SPEF2: variants seen among roughly 807,000 people sequenced by gnomAD.
SPEF2 encodes the protein sperm flagellar and cilia associated 2, also known as sperm flagella and cilia-associated protein 2.
A neutral mutation model predicts 224.6 loss-of-function variants in SPEF2; 187 were observed. That is an observed-to-expected ratio of 0.83 (90% CI 0.74 to 0.94). SPEF2 has a LOEUF of 0.94. Among genes scored for constraint, SPEF2 ranks in the 40% least tolerant of loss-of-function variants. The probability of loss-of-function intolerance (pLI) is 0.00; values close to 1 mark genes in which losing one functional copy is unlikely to be tolerated. For synonymous variants in SPEF2, 715 were observed against 707.3 expected, an observed-to-expected ratio of 1.01 and a Z score of -0.17; for missense variants, 2,170 against 2,135.6, an observed-to-expected ratio of 1.02 and a Z score of -0.32.
intron 26 of SPEF2, 131 bp downstream of exon 26, chr5:35,763,833 T>C (rs941177709): frequency 7.6e-6 from 6 of 788,428 alleles, no homozygotes; most frequent in Admixed American, 3.7e-5. Flanking sequence ...TCGAAACATT[T>C]TTTTTCTGAA....
At chr5:35,656,807 T>C (rs1243624196) in intron 7 of SPEF2, among the ~76,000 whole-genome samples, 1 of 152,244 alleles carries the variant, frequency 6.6e-6, no homozygotes, top group Non-Finnish European at 1.5e-5. Flanking sequence ...CAGGGCTCTA[T>C]ATATTTCCAT....
intron 1 of SPEF2, 22 bp from the exon 2 acceptor site, chr5:35,628,438 A>G: frequency 2.6e-6 from 4 of 1,513,252 alleles, no homozygotes; most frequent in Admixed American, 1.7e-5. Flanking sequence ...CATGGTTTTT[A>G]TCTCAATGTT....
At chr5:35,712,507 A>C (rs1288163436) in intron 19 of SPEF2, among the ~76,000 whole-genome samples, 3 of 152,234 alleles carry the variant, frequency 2.0e-5, no homozygotes, top group Non-Finnish European at 4.4e-5. Flanking sequence ...ACTTTTAAAA[A>C]TGCCACAGCT....
intron 30 of SPEF2, 113 bp downstream of exon 30, chr5:35,779,459 C>A: frequency 5.4e-6 from 4 of 734,184 alleles, no homozygotes; most frequent in Non-Finnish European, 8.9e-6. Context: ...GGCACTAAAA[C>A]ATGCCCTTGC....
rs1747061588 is a variant in SPEF2, at chr5:35,644,458, T to C, written c.518T>C (p.Leu173Ser). 6.2e-7 allele frequency: 1 copy of C among 1,610,956 alleles called. No homozygotes were observed. Among genetic ancestry groups the C allele is most frequent in the Non-Finnish European group, 8.5e-7 (1 of 1,179,026 alleles). ...YKHVKEDLAH[L>S]HFEKLERFQK... is the part of the protein sequence containing the mutation. Reference sequence around the variant, plus strand: ...CACGTGAAAGAAGATCTTGCCCATTTGCATTTTGAGAAACTTGAAAGATTT... The same window carrying C: ...CACGTGAAAGAAGATCTTGCCCATTCGCATTTTGAGAAACTTGAAAGATTT... The change falls in exon 4 of 37, where the codon TTG becomes TCG. Residue 173 changes from leucine to serine, a missense_variant. By Grantham distance (145) the Leu-to-Ser change is moderately radical. Transcript: ENST00000356031.
intron 21 of SPEF2, among the ~76,000 whole-genome samples, chr5:35,729,905 C>T (rs1745344271): frequency 6.6e-6 from 1 of 152,150 alleles, no homozygotes; most frequent in South Asian, 2.1e-4. Context: ...TCACCTCATA[C>T]CATGATTCTG....
rs190788118 is a variant in SPEF2 at position 35,762,012 on chromosome 5, A to C, written c.3621-1510A>C. On this transcript the variant is annotated intron_variant, in intron 25 of 36. Transcript: ENST00000356031. ...CAAGAACAATGTTAAAAATTTTCAT[A>C]TATTTTGTCCGCTTTATTCTTCCCA... Among the ~76,000 whole-genome samples, 32 of 152,328 alleles carry C rather than the reference A, an allele frequency of 2.1e-4. No homozygotes were observed. In the East Asian group the frequency reaches 6.0e-3, roughly 28 times the overall value.
At chr5:35,652,404 A>G (rs1333006555) in intron 6 of SPEF2, among the ~76,000 whole-genome samples, 1 of 152,206 alleles carries the variant, frequency 6.6e-6, no homozygotes, top group African/African-American at 2.4e-5. Context: ...GAAAGATCTA[A>G]AAGTGTTACG....
intron 7 of SPEF2, among the ~76,000 whole-genome samples, chr5:35,655,048 T>A (rs935878189): frequency 1.3e-5 from 2 of 152,236 alleles, no homozygotes; most frequent in Non-Finnish European, 2.9e-5. Context: ...ATCTGCCATG[T>A]GTACTCTATT....
chr5:35,813,710 C>T (rs1002671517), intron 36 of SPEF2, among the ~76,000 whole-genome samples: 1 of 152,106 alleles, frequency 6.6e-6, no homozygotes, highest in Non-Finnish European at 1.5e-5. Context: ...AGGGTCAGCA[C>T]ATATGGTGAA....
chr5:35,662,984 C>CTCACAAAG (rs1349734265), intron 8 of SPEF2, among the ~76,000 whole-genome samples: 1 of 152,080 alleles, frequency 6.6e-6, no homozygotes, highest in Non-Finnish European at 1.5e-5. Context: ...CTTAACTATG[C>CTCACAAAG]TCACAAAGTA....
intron 29 of SPEF2, among the ~76,000 whole-genome samples, chr5:35,778,844 T>C (rs1753949286): frequency 6.6e-6 from 1 of 152,216 alleles, no homozygotes; most frequent in East Asian, 1.9e-4. Context: ...ATAAAAACTA[T>C]ATTTAATAGG....
chr5:35,641,676 T>G lies in SPEF2; in HGVS notation c.407T>G (p.Phe136Cys). Residue 136 changes from phenylalanine (F) to cysteine (C), a missense_variant, in exon 3 of 37, where the codon TTT (phenylalanine) becomes TGT (cysteine). Phe to Cys is a radical substitution (Grantham distance 205). Transcript: ENST00000356031. ...LRLQNMKSDT[F>C]QERLRHMIPR... is the part of the protein sequence containing the mutation. ...CTTCAAAACATGAAAAGTGATACTT[T>G]TCAAGAGGTAGGTACATAAAAAAGC... 6.2e-7 allele frequency: 1 copy of G among 1,612,596 alleles called. No homozygotes were observed.
rs1469431376 is a variant in SPEF2 at position 35,763,566 on chromosome 5, C to T, written c.3665C>T (p.Thr1222Ile). 1 of 1,612,406 alleles carries T rather than the reference C, an allele frequency of 6.2e-7. No individual in the cohort carries two copies. Among genetic ancestry groups the T allele is most frequent in the Non-Finnish European group, 8.5e-7 (1 of 1,179,504 alleles). Residue 1222 changes from threonine (T) to isoleucine (I), a missense_variant, in exon 26 of 37, where the codon ACA (threonine) becomes ATA (isoleucine). Physicochemically the swap from Thr to Ile is moderately conservative, Grantham distance 89. Coordinates refer to ENST00000356031, the MANE Select transcript of SPEF2 (RefSeq NM_024867.4). ...PRISISLETV[T>I]PKPKTKSVLK... ...ATATCCATTTCTCTGGAAACAGTTACACCCAAACCAAAAACAAAATCAGTA... is the reference window on the plus strand; with the variant it reads ...ATATCCATTTCTCTGGAAACAGTTATACCCAAACCAAAAACAAAATCAGTA...
chr5:35,773,818 C>A, intron 27 of SPEF2, 75 bp from the exon 28 acceptor site: 1 of 1,490,718 alleles, frequency 6.7e-7, no homozygotes, highest in Non-Finnish European at 8.9e-7. Context: ...TTGCTTTGTG[C>A]TCATTCTGTC....
At position 35,731,425 on chromosome 5, in the gene SPEF2, C is replaced by A. The variant is rs554714026; in HGVS notation, c.3063+3602C>A. Reference sequence around the variant, plus strand: ...TCTATTATTCTTTATCTTTGCAGGTCTTTACATATGACAATGATTTTGTAA... The same window carrying A: ...TCTATTATTCTTTATCTTTGCAGGTATTTACATATGACAATGATTTTGTAA... On this transcript the variant is annotated intron_variant, in intron 21 of 36. Coordinates refer to ENST00000356031, the MANE Select transcript of SPEF2 (RefSeq NM_024867.4). Among the ~76,000 whole-genome samples the A allele has an allele frequency of 4.6e-5, 7 of 152,262 alleles. No individual in the cohort carries two copies. The South Asian group carries it at 1.2e-3, about 27-fold the overall frequency.
chr5:35,786,027 A>G (rs1390037625), intron 30 of SPEF2, among the ~76,000 whole-genome samples: 2 of 152,176 alleles, frequency 1.3e-5, no homozygotes, highest in East Asian at 1.9e-4. Flanking sequence ...AACTCCTGTA[A>G]AAACCATGCT....
At chr5:35,771,006 G>A (rs189521359) in intron 26 of SPEF2, among the ~76,000 whole-genome samples, 8 of 152,110 alleles carry the variant, frequency 5.3e-5, no homozygotes, top group Admixed American at 1.3e-4. Context: ...GGATTCAACT[G>A]TCCATGACCC....
At chr5:35,740,878 AT>A (rs1371319885) in intron 23 of SPEF2, among the ~76,000 whole-genome samples, 1 of 152,126 alleles carries the variant, frequency 6.6e-6, no homozygotes, top group Non-Finnish European at 1.5e-5. Context: ...TTCATCTTTC[AT>A]TTTAAATTGA....
Sources: gnomAD v4.1 joint callset for allele counts (sites outside exome capture counted in the v4.1 genomes callset) on GRCh38, gnomAD v4.1.1 for gene constraint, MANE v1.5 for transcripts, NCBI Gene and HGNC (gene_info 2026-07-23, HGNC 2026-07-21) for gene names.